The following SNX30 variants were observed in gnomAD, a reference collection of about 807,000 sequenced individuals.
SNX30 encodes sorting nexin family member 30.
Under a neutral mutation model 46.4 loss-of-function variants are expected in SNX30, and 24 were observed. That is an observed-to-expected ratio of 0.52 (90% confidence interval 0.37 to 0.73). SNX30 has a LOEUF of 0.73. SNX30 is among the 30% of genes least tolerant of loss of function. SNX30 has a pLI of 0.00. For missense variants in SNX30, 533 were observed against 555.7 expected (o/e 0.96, Z 0.41); for synonymous variants, 189 against 211.5 (o/e 0.89, Z 0.92).
chr9:112,838,026 G>A (rs1012659735), intron 5 of SNX30, among the ~76,000 whole-genome samples: 1 of 151,238 alleles, frequency 6.6e-6, no homozygotes, highest in Non-Finnish European at 1.5e-5. Flanking sequence ...GAGTAGTTGG[G>A]ACTATAGGCG....
At chr9:112,790,293 C>T (rs1051019718) in intron 1 of SNX30, among the ~76,000 whole-genome samples, 6 of 152,182 alleles carry the variant, frequency 3.9e-5, no homozygotes, top group African/African-American at 1.4e-4. Flanking sequence ...ATTATACAGA[C>T]ATTTTAATGA....
intron 1 of SNX30, among the ~76,000 whole-genome samples, chr9:112,766,071 G>A (rs1275987333): frequency 6.6e-6 from 1 of 152,092 alleles, no homozygotes; most frequent in Non-Finnish European, 1.5e-5. Flanking sequence ...CAAAGTGCTG[G>A]GATTACGGGT....
intron 3 of SNX30, among the ~76,000 whole-genome samples, chr9:112,827,019 C>G (rs972122891): frequency 1.3e-4 from 20 of 152,220 alleles, no homozygotes; most frequent in African/African-American, 4.8e-4. Flanking sequence ...ATTCCTGACT[C>G]TATTCCCCTC....
intron 7 of SNX30, among the ~76,000 whole-genome samples, chr9:112,857,314 C>A (rs1460486546): frequency 6.6e-6 from 1 of 152,140 alleles, no homozygotes; most frequent in African/African-American, 2.4e-5. Flanking sequence ...TCTATTTGCC[C>A]AATTCCATGG....
intron 2 of SNX30, among the ~76,000 whole-genome samples, chr9:112,808,448 G>A (rs1365401015): frequency 6.6e-6 from 1 of 152,228 alleles, no homozygotes; most frequent in Non-Finnish European, 1.5e-5. Context: ...TGGAGAGCCA[G>A]TTTAGGCCTT....
At chr9:112,879,949 G>T, downstream of SNX30, 2 of 757,102 alleles carry the variant, frequency 2.6e-6, no homozygotes, top group Admixed American at 3.8e-5. Flanking sequence ...ATTGACCAAG[G>T]TGTGCTGGTG....
At chr9:112,816,453 T>G (rs1317723246) in intron 2 of SNX30, among the ~76,000 whole-genome samples, 1 of 152,196 alleles carries the variant, frequency 6.6e-6, no homozygotes, top group Admixed American at 6.5e-5. Flanking sequence ...TGAGTGAATT[T>G]CCCCACATCT....
intron 1 of SNX30, among the ~76,000 whole-genome samples, chr9:112,764,801 G>T (rs1839507489): frequency 6.6e-6 from 1 of 152,204 alleles, no homozygotes; most frequent in African/African-American, 2.4e-5. Flanking sequence ...GCAAAAAGGT[G>T]AGCCTATAGA....
At chr9:112,792,882 C>CTTTTTTTTT (rs11447466) in intron 1 of SNX30, among the ~76,000 whole-genome samples, 9 of 146,818 alleles carry the variant, frequency 6.1e-5, no homozygotes, top group Non-Finnish European at 9.0e-5. Context: ...TTTCTTTAGG[C>CTTTTTTTTT]TTTTTTTTTT....
chr9:112,869,531 A>AG lies in SNX30; in HGVS notation c.*692dup, dbSNP rs1010723509. ...CTCCTGCAATGCCTTTGGGAAGCTC[A>AG]GGGGAATGCTCCCCAAGCTTGTTTC... On this transcript the variant is annotated 3_prime_UTR_variant, in exon 9 of 9. Transcript: ENST00000374232. 2.0e-5 allele frequency: 3 copies of AG among 152,150 alleles called. No individual in the cohort carries two copies. The highest frequency in any genetic ancestry group is 7.2e-5 in the African/African-American group (3 of 41,416). The allele number at this position is 152,150 out of a possible 1,614,324, so 9.4% of individuals were successfully genotyped here. A position where few individuals can be genotyped will look rare whatever the true frequency, so the allele number is the denominator to read the frequency against.
intron 8 of SNX30, among the ~76,000 whole-genome samples, chr9:112,865,509 T>TCGGGAGGCTGTGG (rs1441313374): frequency 6.6e-6 from 1 of 151,046 alleles, no homozygotes; most frequent in Non-Finnish European, 1.5e-5. Context: ...TTCCAGCTAC[T>TCGGGAGGCTGTGG]CGGGAGGCTG....
intron 7 of SNX30, among the ~76,000 whole-genome samples, chr9:112,861,161 C>G (rs112473409): frequency 2.0e-5 from 3 of 152,292 alleles, no homozygotes; most frequent in Admixed American, 2.0e-4. Flanking sequence ...GCTGATAACT[C>G]CAAGGTCGCA....
intron 4 of SNX30, among the ~76,000 whole-genome samples, chr9:112,834,562 T>C (rs2131451976): frequency 6.6e-6 from 1 of 152,246 alleles, no homozygotes; most frequent in South Asian, 2.1e-4. Context: ...AAACTCCACA[T>C]GTTCAGCTCT....
intron 6 of SNX30, among the ~76,000 whole-genome samples, chr9:112,848,086 G>A (rs865912389): frequency 6.1e-4 from 93 of 151,944 alleles, no homozygotes; most frequent in African/African-American, 1.8e-3. Flanking sequence ...CAGGTGGCGC[G>A]AGGCATGAGG....
chr9:112,855,524 G>A (rs1433310484), intron 7 of SNX30, among the ~76,000 whole-genome samples: 1 of 152,160 alleles, frequency 6.6e-6, no homozygotes, highest in Non-Finnish European at 1.5e-5. Context: ...CCCAGGGGAA[G>A]GAAGTGGCCT....
intron 2 of SNX30, among the ~76,000 whole-genome samples, chr9:112,816,299 C>A (rs968916064): frequency 2.6e-5 from 4 of 152,174 alleles, no homozygotes; most frequent in African/African-American, 9.7e-5. Flanking sequence ...CACTTGTTCC[C>A]AATATTTCTG....
intron 8 of SNX30, among the ~76,000 whole-genome samples, chr9:112,864,821 A>G (rs1196203399): frequency 6.6e-6 from 1 of 152,124 alleles, no homozygotes; most frequent in Non-Finnish European, 1.5e-5. Flanking sequence ...TGAAGCCTAT[A>G]GACCCCTCAC....
rs887652779 is a variant in SNX30 at position 112,869,058 on chromosome 9, A to G, written c.*215A>G. ...CTGTGAGGCTAGAATATCTCTCAGCAAGAGCAGCATACCTCCATGTTGTGA... is the reference window on the plus strand; with the variant it reads ...CTGTGAGGCTAGAATATCTCTCAGCGAGAGCAGCATACCTCCATGTTGTGA... On this transcript the variant is annotated 3_prime_UTR_variant, in exon 9 of 9. Transcript: ENST00000374232. 6.9e-6 allele frequency: 4 copies of G among 583,734 alleles called. No individual in the cohort carries two copies. The highest frequency in any genetic ancestry group is 2.9e-5 in the Admixed American group (1 of 34,338). 36.2% of individuals were successfully genotyped at this position (583,734 alleles called of 1,614,324 possible).
intron 1 of SNX30, among the ~76,000 whole-genome samples, chr9:112,781,986 T>C (rs1395791874): frequency 6.6e-6 from 1 of 152,196 alleles, no homozygotes; most frequent in Non-Finnish European, 1.5e-5. Context: ...AAGTGGCTGA[T>C]GAAATAAAAA....
Sources: gnomAD v4.1 joint callset for allele counts (sites outside exome capture counted in the v4.1 genomes callset) on GRCh38, gnomAD v4.1.1 for gene constraint, MANE v1.5 for transcripts, NCBI Gene and HGNC (gene_info 2026-07-23, HGNC 2026-07-21) for gene names.